The following NEIL1 variants were observed in gnomAD, a reference collection of about 807,000 sequenced individuals.
The protein encoded by NEIL1 is nei like DNA glycosylase 1.
NEIL1 carries 31 observed loss-of-function variants against 44.2 expected under a neutral mutation model. The ratio of observed to expected loss-of-function variants is 0.70; its 90% CI spans 0.53 to 0.95. The LOEUF is 0.95. Ranked by LOEUF, NEIL1 falls within the 40% of genes least tolerant of loss-of-function variation. The pLI is 0.00. For missense variants in NEIL1, 549 were observed against 515.5 expected (o/e 1.07, Z -0.63); for synonymous variants, 254 against 209.7 (o/e 1.21, Z -1.83).
At chr15:75,348,169 T>G in intron 1 of NEIL1, 1 of 699,144 alleles carries the variant, frequency 1.4e-6, no homozygotes, top group Non-Finnish European at 1.8e-6. Context: ...CTCCAGCGCA[T>G]GGCGGCAGCC....
In NEIL1 at chr15:75,356,263, A is replaced by G. The variant is rs749133192; in HGVS notation, c.*1229A>G. 1 of 1,612,156 alleles carries G rather than the reference A, an allele frequency of 6.2e-7. No homozygotes were observed. On this transcript the variant is annotated 3_prime_UTR_variant, in exon 10 of 10. Transcript: ENST00000355059. This position sits in a 1 kb window ranked among gnomAD's most constrained non-coding sequence, Gnocchi z 5.8. ...GGTGGGAGGGGCCGAGGGCAGGCCC[A>G]GTTCGGAACCCCGTCCCCAGCACGT...
chr15:75,350,545 G>A (rs2071809240), intron 2 of NEIL1, among the ~76,000 whole-genome samples: 1 of 152,164 alleles, frequency 6.6e-6, no homozygotes, highest in African/African-American at 2.4e-5. Flanking sequence ...GAGTAGGGTT[G>A]GCAAGTTCTC....
chr15:75,350,306 G>C (rs888040580), intron 2 of NEIL1, among the ~76,000 whole-genome samples: 1 of 152,172 alleles, frequency 6.6e-6, no homozygotes, highest in Non-Finnish European at 1.5e-5. Context: ...AGATGAATGT[G>C]GTCCCTGCTC....
At chr15:75,348,613 G>A in intron 1 of NEIL1, 2 of 1,329,420 alleles carry the variant, frequency 1.5e-6, no homozygotes, top group Non-Finnish European at 1.9e-6. Context: ...TGGGACTTTC[G>A]TCTAAACGCG....
Position 75,348,890 on chromosome 15 carries a change from G to A in NEIL1, c.-16G>A, listed in dbSNP as rs2071653512. 1 of 1,607,674 alleles carries A rather than the reference G, an allele frequency of 6.2e-7. No individual in the cohort carries two copies. The highest frequency in any genetic ancestry group is 8.5e-7 in the Non-Finnish European group (1 of 1,178,688). On this transcript the variant is annotated 5_prime_UTR_variant, in exon 2 of 10. Transcript: ENST00000355059. The stretch of plus-strand genomic sequence containing the variant: ...CTGCCTTCCTCCCCAACAGGACTCT[G>A]CCACCCTCCCTCAGGATGCCTGAGG...
At position 75,356,464 on chromosome 15, in the gene NEIL1, G is replaced by C. The variant is rs757543040; in HGVS notation, c.*1430G>C. On this transcript the variant is annotated 3_prime_UTR_variant, in exon 10 of 10. Coordinates refer to ENST00000355059, the MANE Select transcript of NEIL1 (RefSeq NM_024608.4). This position sits in a 1 kb window ranked among gnomAD's most constrained non-coding sequence, Gnocchi z 5.8. Reference sequence around the variant, plus strand: ...CTGGAAAGAGCCTGGGGTACGACCAGGAAACAATGCTGGTGGAGAATGGGG... The same window carrying C: ...CTGGAAAGAGCCTGGGGTACGACCACGAAACAATGCTGGTGGAGAATGGGG... 3.8e-6 allele frequency: 6 copies of C among 1,587,484 alleles called. 1 individual carries two copies. The highest frequency in any genetic ancestry group is 5.1e-6 in the Non-Finnish European group (6 of 1,168,460).
chr15:75,354,387 T>G (rs1365476029), intron 7 of NEIL1, 44 bp from the exon 8 acceptor site: 7 of 1,612,618 alleles, frequency 4.3e-6, no homozygotes, highest in Non-Finnish European at 5.9e-6. Context: ...GAGTCACCCC[T>G]GGGCAGGATA....
rs1282084982 is a variant in NEIL1 at position 75,354,625 on chromosome 15, C to T, written c.937-28C>T. 5 of 1,613,882 alleles carry T rather than the reference C, an allele frequency of 3.1e-6. No individual in the cohort carries two copies. In the African/African-American group the frequency reaches 4.0e-5, roughly 13 times the overall value. ...AACCTCTGAACTGCTTTCTGAGCCC[C>T]TCAGGGACCCGTGTCTCCTCCATCC... On this transcript the variant is annotated intron_variant, in intron 8 of 9. Coordinates refer to ENST00000355059, the MANE Select transcript of NEIL1 (RefSeq NM_024608.4).
intron 1 of NEIL1, chr15:75,348,099 C>T: frequency 1.1e-6 from 1 of 934,780 alleles, no homozygotes; most frequent in Non-Finnish European, 1.3e-6. Flanking sequence ...AGGCCCGGGG[C>T]AGGAGCTCGG....
intron 1 of NEIL1, chr15:75,348,166 G>T (rs1479488726): frequency 1.3e-5 from 9 of 692,284 alleles, no homozygotes; most frequent in East Asian, 1.3e-4. Context: ...CGGCTCCAGC[G>T]CATGGCGGCA....
At chr15:75,347,897 C>T (rs1034162907) in intron 1 of NEIL1, 1 of 1,225,966 alleles carries the variant, frequency 8.2e-7, no homozygotes, top group East Asian at 6.6e-5. Context: ...GGGGCGGCTC[C>T]CAGGTGTGGA....
chr15:75,354,630 G>A, intron 8 of NEIL1, 23 bp from the exon 9 acceptor site: 2 of 1,613,992 alleles, frequency 1.2e-6, no homozygotes, highest in South Asian at 2.2e-5. Flanking sequence ...AGCCCCTCAG[G>A]GACCCGTGTC....
chr15:75,349,172 C>T lies in NEIL1; in HGVS notation c.267C>T (p.Pro89=), dbSNP rs769981276. ...TGTCCGGCTCTTTTCAGCTGGTGCC[C>T]CGCGAGGAGCTGCCACGCCATGCCC... The part of the protein sequence containing the change: ...FGMSGSFQLV[P]REELPRHAHL... Residue 89 remains proline (P), a synonymous_variant, in exon 2 of 10, where the codon CCC becomes CCT. Coordinates refer to ENST00000355059, the MANE Select transcript of NEIL1 (RefSeq NM_024608.4). 1 of 1,609,194 alleles carries T rather than the reference C, an allele frequency of 6.2e-7. No homozygotes were observed. Among genetic ancestry groups the T allele is most frequent in the African/African-American group, 1.3e-5 (1 of 75,060 alleles).
chr15:75,347,490 C>G lies in NEIL1; in HGVS notation c.-23+17C>G, dbSNP rs551796281. 2.0e-5 allele frequency: 3 copies of G among 152,648 alleles called. No individual in the cohort carries two copies. The highest frequency in any genetic ancestry group is 7.2e-5 in the African/African-American group (3 of 41,600). 9.5% of individuals were successfully genotyped at this position (152,648 alleles called of 1,614,324 possible). A position where few individuals can be genotyped will look rare whatever the true frequency, so the allele number is the denominator to read the frequency against. On this transcript the variant is annotated intron_variant, in intron 1 of 9. Coordinates refer to ENST00000355059, the MANE Select transcript of NEIL1 (RefSeq NM_024608.4). ...CCCAGCCAGGTAACTGCCCCGAAGC[C>G]TGCCCCAAAGCCTGGAACCCCCCAA... is the stretch of plus-strand genomic sequence containing the variant.
chr15:75,348,362 A>T (rs910683171), intron 1 of NEIL1: 9 of 987,168 alleles, frequency 9.1e-6, no homozygotes, highest in Non-Finnish European at 9.6e-6. Context: ...GGCGGGTCCT[A>T]AGTGTGGGGG....
At chr15:75,347,833 AG>A (rs2071557540) in intron 1 of NEIL1, 1 of 1,162,296 alleles carries the variant, frequency 8.6e-7, no homozygotes. Context: ...CCCCAAAACT[AG>A]GATTTGGAGC....
chr15:75,347,682 G>C (rs979925075), intron 1 of NEIL1: 9 of 426,956 alleles, frequency 2.1e-5, no homozygotes, highest in African/African-American at 1.7e-4. Context: ...GGGGCGTGCA[G>C]GATCGGGTTG....
At chr15:75,347,823 C>A (rs1383118508) in intron 1 of NEIL1, 1 of 1,158,172 alleles carries the variant, frequency 8.6e-7, no homozygotes, top group South Asian at 1.5e-5. Context: ...CGCCGCTCCT[C>A]CCCAAAACTA....
intron 2 of NEIL1, chr15:75,351,416 CAG>C (rs776474357): frequency 2.6e-6 from 1 of 378,032 alleles, no homozygotes; most frequent in Non-Finnish European, 5.1e-6. Flanking sequence ...ACTGGAACCA[CAG>C]GAGTGCATCA....
Sources: allele counts gnomAD v4.1 joint callset (sites outside exome capture counted in the v4.1 genomes callset), GRCh38; gene constraint gnomAD v4.1.1; non-coding constraint Gnocchi (gnomAD v3.1); transcripts MANE v1.5; gene names NCBI Gene and HGNC (gene_info 2026-07-23, HGNC 2026-07-21).